The following KCNQ3 variants were observed in gnomAD, a reference collection of about 807,000 sequenced individuals.
KCNQ3 encodes potassium voltage-gated channel subfamily KQT member 3.
Under a neutral mutation model 92.5 loss-of-function variants are expected in KCNQ3, and 30 were observed. That is an observed-to-expected ratio of 0.32 (90% CI 0.24 to 0.44). KCNQ3 has a LOEUF of 0.44. Among genes scored for constraint, KCNQ3 ranks in the 20% least tolerant of loss-of-function variants. KCNQ3 has a pLI of 1.00. For missense variants in KCNQ3, 913 were observed against 1,140.3 expected (o/e 0.80, Z 2.87); for synonymous variants, 450 against 468.8 (o/e 0.96, Z 0.52).
intron 8 of KCNQ3, among the ~76,000 whole-genome samples, chr8:132,165,481 G>A (rs181796763): frequency 1.4e-4 from 21 of 152,242 alleles, no homozygotes; most frequent in African/African-American, 4.1e-4. Flanking sequence ...GCAGTAATTC[G>A]GAGGCTTCCT....
chr8:132,428,966 G>A (rs867183761), intron 1 of KCNQ3, among the ~76,000 whole-genome samples: 63 of 152,298 alleles, frequency 4.1e-4, no homozygotes, highest in Middle Eastern at 3.4e-3. Context: ...AAGCAGGAAC[G>A]ACACAATGAC....
intron 1 of KCNQ3, among the ~76,000 whole-genome samples, chr8:132,409,515 T>C (rs1447323864): frequency 6.6e-6 from 1 of 152,118 alleles, no homozygotes; most frequent in African/African-American, 2.4e-5. Context: ...TTCATGGTAC[T>C]CTGCTTAACA....
chr8:132,242,232 A>G (rs1452796421), intron 1 of KCNQ3, among the ~76,000 whole-genome samples: 2 of 152,200 alleles, frequency 1.3e-5, no homozygotes, highest in African/African-American at 4.8e-5. Flanking sequence ...TTTACTATTC[A>G]ATCAACAGAC....
chr8:132,349,191 G>C (rs1027711473), intron 1 of KCNQ3, among the ~76,000 whole-genome samples: 1 of 152,188 alleles, frequency 6.6e-6, no homozygotes, highest in African/African-American at 2.4e-5. Context: ...GGGAGGTGAA[G>C]TGGCCTACCC....
At chr8:132,153,029 A>G (rs930228300) in intron 9 of KCNQ3, among the ~76,000 whole-genome samples, 15 of 151,808 alleles carry the variant, frequency 9.9e-5, no homozygotes, top group African/African-American at 1.5e-4. Flanking sequence ...AAAACCTGTT[A>G]TAAGTTTGTC....
Position 132,140,189 on chromosome 8 carries a change from GAC to G in KCNQ3, c.1466-13_1466-12del. ...CACCTGTCCCGGCATCTGGGAGGGAGACACACATATGAACGGCAGGCCACAGA... is the reference window on the plus strand; with the variant it reads ...CACCTGTCCCGGCATCTGGGAGGGAGACACATATGAACGGCAGGCCACAGA... On this transcript the variant is annotated splice_polypyrimidine_tract_variant and intron_variant, in intron 10 of 14. Transcript: ENST00000388996. 3 of 1,601,944 alleles carry G rather than the reference GAC, an allele frequency of 1.9e-6. No individual in the cohort carries two copies. Among genetic ancestry groups the G allele is most frequent in the Non-Finnish European group, 2.6e-6 (3 of 1,169,686 alleles).
intron 12 of KCNQ3, 118 bp from the exon 13 acceptor site, chr8:132,134,506 AGAGGAGAGGAGAAGT>A (rs1187166617): frequency 5.5e-6 from 4 of 725,450 alleles, no homozygotes; most frequent in African/African-American, 5.3e-5. Context: ...AGAGGAGAGG[AGAGGAGAGGAGAAGT>A]GAGGAGAGGA....
intron 1 of KCNQ3, among the ~76,000 whole-genome samples, chr8:132,393,920 C>T (rs1820116907): frequency 6.6e-6 from 1 of 152,234 alleles, no homozygotes; most frequent in East Asian, 1.9e-4. Context: ...TTCTTCACCA[C>T]CCACTGTGTA....
intron 1 of KCNQ3, among the ~76,000 whole-genome samples, chr8:132,331,482 A>C (rs1195206451): frequency 1.3e-5 from 2 of 152,136 alleles, no homozygotes; most frequent in Non-Finnish European, 2.9e-5. Flanking sequence ...TCCCATGGTT[A>C]ACATCTGGCC....
At chr8:132,217,710 C>CAAA (rs1170925572) in intron 1 of KCNQ3, among the ~76,000 whole-genome samples, 1,791 of 66,228 alleles carry the variant, frequency 0.027, 60 homozygotes, top group South Asian at 0.094. Context: ...GGCTCTGTCT[C>CAAA]AAAAAAAAAA....
intron 1 of KCNQ3, among the ~76,000 whole-genome samples, chr8:132,223,034 A>AT (rs1814285802): frequency 1.3e-5 from 2 of 152,252 alleles, no homozygotes; most frequent in African/African-American, 2.4e-5. Context: ...CAAAGGCTAC[A>AT]GTGTGGGTGG....
intron 1 of KCNQ3, among the ~76,000 whole-genome samples, chr8:132,242,675 C>T (rs568402655): frequency 6.6e-6 from 1 of 152,250 alleles, no homozygotes; most frequent in African/African-American, 2.4e-5. Flanking sequence ...ATCTCCAGTA[C>T]CTAGGACAAT....
chr8:132,432,776 T>C (rs970734175), intron 1 of KCNQ3, among the ~76,000 whole-genome samples: 3 of 152,142 alleles, frequency 2.0e-5, no homozygotes, highest in African/African-American at 7.2e-5. Flanking sequence ...ATCCTTCACT[T>C]AAAAATGCCT....
chr8:132,140,695 C>T (rs985103388), intron 10 of KCNQ3: 5 of 256,968 alleles, frequency 1.9e-5, no homozygotes, highest in Non-Finnish European at 3.0e-5. Context: ...GCATGTCCTC[C>T]CTTTGCATAA....
chr8:132,412,676 T>C (rs1398860035), intron 1 of KCNQ3, among the ~76,000 whole-genome samples: 1 of 151,974 alleles, frequency 6.6e-6, no homozygotes, highest in Non-Finnish European at 1.5e-5. Flanking sequence ...GAGAGAGGCA[T>C]GATGATGGCC....
intron 1 of KCNQ3, among the ~76,000 whole-genome samples, chr8:132,204,907 CCT>C (rs1813608372): frequency 6.6e-6 from 1 of 152,166 alleles, no homozygotes; most frequent in Non-Finnish European, 1.5e-5. Flanking sequence ...CAGATCACCC[CCT>C]CTCTGTTTTC....
chr8:132,388,341 A>G (rs982598175), intron 1 of KCNQ3, among the ~76,000 whole-genome samples: 4 of 152,224 alleles, frequency 2.6e-5, no homozygotes, highest in African/African-American at 9.6e-5. Context: ...CACTTCTAGG[A>G]ATACATTCTG....
chr8:132,134,221 G>A, intron 13 of KCNQ3, 69 bp downstream of exon 13: 1 of 1,124,694 alleles, frequency 8.9e-7, no homozygotes, highest in Non-Finnish European at 1.4e-6. Context: ...CCCCAGCAGA[G>A]GTTTGGGGGT....
At chr8:132,436,152 G>C (rs1273653701) in intron 1 of KCNQ3, among the ~76,000 whole-genome samples, 1 of 152,060 alleles carries the variant, frequency 6.6e-6, no homozygotes, top group Non-Finnish European at 1.5e-5. Flanking sequence ...AACCTTTTTT[G>C]AATTAATGTA....
Sources: gnomAD v4.1 joint callset for allele counts (sites outside exome capture counted in the v4.1 genomes callset) on GRCh38, gnomAD v4.1.1 for gene constraint, MANE v1.5 for transcripts, NCBI Gene and HGNC (gene_info 2026-07-23, HGNC 2026-07-21) for gene names.